Variants in RYR1 observed in about 807,000 individuals in gnomAD.
The protein encoded by RYR1 is central core disease of muscle.
Under a neutral mutation model 583.5 loss-of-function variants are expected in RYR1, and 342 were observed. That is an observed-to-expected ratio of 0.59 (90% CI 0.54 to 0.64). The LOEUF is 0.64. Ranked by LOEUF, RYR1 falls within the 30% of genes least tolerant of loss-of-function variation. The pLI is 0.00. For missense variants in RYR1, 6,032 were observed against 6,917.2 expected (o/e 0.87, Z 4.54); for synonymous variants, 2,791 against 2,822.5 (o/e 0.99, Z 0.35).
chr19:38,433,713 T>G lies in RYR1; in HGVS notation c.-117T>G. ...CTCGCAGTTCCATCTACCTCGCGGG[T>G]GCCTCTGGTGTCTCCAGAGGTCTCC... is the stretch of plus-strand genomic sequence containing the variant. On this transcript the variant is annotated 5_prime_UTR_variant, in exon 1 of 106. Transcript: ENST00000359596. 1.3e-6 allele frequency: 1 copy of G among 781,782 alleles called. No homozygotes were observed. Among genetic ancestry groups the G allele is most frequent in the Non-Finnish European group, 2.2e-6 (1 of 452,784 alleles). 48.4% of individuals were successfully genotyped at this position (781,782 alleles called of 1,614,324 possible).
rs995475848 is a variant in RYR1, at chr19:38,466,145, G to A, written c.2925G>A (p.Arg975=). The A allele has an allele frequency of 1.2e-6, 2 of 1,613,262 alleles. No homozygotes were observed. The highest frequency in any genetic ancestry group is 1.7e-6 in the Non-Finnish European group (2 of 1,179,844). The stretch of plus-strand genomic sequence containing the variant: ...CTCCGCTGGACCTGAGCCACGTGCG[G>A]CTGACGCCGGCGCAGACGACACTGG... ...KPAPLDLSHV[R]LTPAQTTLVD... Residue 975 remains arginine, a synonymous_variant, in exon 24 of 106, where the codon CGG becomes CGA. Coordinates refer to ENST00000359596, the MANE Select transcript of RYR1 (RefSeq NM_000540.3).
In RYR1 at chr19:38,515,013, CT is replaced by C. The variant is rs1568524800; in HGVS notation, c.9473-12del. 3 of 1,608,292 alleles carry C rather than the reference CT, an allele frequency of 1.9e-6. No homozygotes were observed. The highest frequency in any genetic ancestry group is 2.6e-6 in the Non-Finnish European group (3 of 1,176,000). The stretch of plus-strand genomic sequence containing the variant: ...TGAGCGCATGCCGCAGCCTCGCCCC[CT>C]GTCTCCCTCAGTGGACGACGTCCAG... On this transcript the variant is annotated splice_polypyrimidine_tract_variant and intron_variant, in intron 63 of 105. Coordinates refer to ENST00000359596, the MANE Select transcript of RYR1 (RefSeq NM_000540.3).
At chr19:38,572,370 T>C in intron 95 of RYR1, 100 bp downstream of exon 95, 2 of 1,317,036 alleles carry the variant, frequency 1.5e-6, no homozygotes, top group Non-Finnish European at 2.1e-6. Context: ...CTCAAAGTGG[T>C]TGGGACAGAG....
chr19:38,515,934 C>T (rs1970947213), intron 64 of RYR1, among the ~76,000 whole-genome samples, 153 bp from the exon 65 acceptor site: 4 of 152,154 alleles, frequency 2.6e-5, no homozygotes, highest in Non-Finnish European at 4.4e-5. Flanking sequence ...GAGCGAGACC[C>T]TGTCTTAAAA....
intron 24 of RYR1, 35 bp from the exon 25 acceptor site, chr19:38,467,575 C>A: frequency 6.2e-7 from 1 of 1,611,556 alleles, no homozygotes; most frequent in South Asian, 1.1e-5. Context: ...CACATCTTCC[C>A]TAGCCTCTCT....
chr19:38,484,009 A>G (rs1600764515), intron 33 of RYR1, among the ~76,000 whole-genome samples: 1 of 152,084 alleles, frequency 6.6e-6, no homozygotes, highest in Admixed American at 6.5e-5. Context: ...ATGCGTTCAC[A>G]TGGATGGCAG....
In RYR1 at chr19:38,507,680, G is replaced by C. The variant is rs1970536191; in HGVS notation, c.8817-32G>C. On this transcript the variant is annotated intron_variant, in intron 57 of 105. Transcript: ENST00000359596. ...GTGGGAAACTGTAGGGCCGGCGTCT[G>C]GGCTGATCCTTCTCTCCACATCTCC... is the stretch of plus-strand genomic sequence containing the variant. The C allele has an allele frequency of 2.2e-6, 3 of 1,380,214 alleles. No individual in the cohort carries two copies. The East Asian group carries it at 6.9e-5, about 32-fold the overall frequency. 85.5% of individuals were successfully genotyped at this position (1,380,214 alleles called of 1,614,324 possible).
chr19:38,575,430 C>A (rs1358663107), intron 96 of RYR1, among the ~76,000 whole-genome samples: 13 of 152,012 alleles, frequency 8.6e-5, no homozygotes, highest in Admixed American at 8.5e-4. Context: ...GAGGCCAAGG[C>A]GGGAGGGGGG....
At chr19:38,514,330 G>A (rs539293889) in intron 63 of RYR1, among the ~76,000 whole-genome samples, 9 of 150,524 alleles carry the variant, frequency 6.0e-5, no homozygotes, top group African/African-American at 2.2e-4. Flanking sequence ...ACCCAGGCTG[G>A]AGTGCAGTGG....
intron 24 of RYR1, among the ~76,000 whole-genome samples, chr19:38,467,149 A>G (rs1968154999): frequency 6.6e-6 from 1 of 151,974 alleles, no homozygotes. Context: ...CTGGCTTCCA[A>G]TCCCAGCCTT....
chr19:38,542,060 C>A (rs1972217765), intron 84 of RYR1, among the ~76,000 whole-genome samples: 2 of 143,078 alleles, frequency 1.4e-5, no homozygotes, highest in South Asian at 2.3e-4. Flanking sequence ...CAGAGGGAGA[C>A]CTTGTCAAAA....
chr19:38,446,651 C>T (rs368241270), intron 8 of RYR1, 43 bp from the exon 9 acceptor site: 174 of 1,606,374 alleles, frequency 1.1e-4, no homozygotes, highest in Non-Finnish European at 1.4e-4. Context: ...GACCAGATTC[C>T]GGGGAGCTGA....
intron 49 of RYR1, among the ~76,000 whole-genome samples, chr19:38,503,588 C>T (rs1178247617): frequency 6.6e-6 from 1 of 152,070 alleles, no homozygotes; most frequent in African/African-American, 2.4e-5. Context: ...GCCTGGCCAA[C>T]ATGGCGAAAC....
In RYR1 at chr19:38,527,700, G is replaced by A; in HGVS notation, c.10740G>A (p.Pro3580=). The A allele has an allele frequency of 2.5e-6, 4 of 1,614,098 alleles. No homozygotes were observed. Among genetic ancestry groups the A allele is most frequent in the Non-Finnish European group, 3.4e-6 (4 of 1,180,020 alleles). ...AGATGGCTCTGTACCGGGGCGTCCC[G>A]GGTCGCGAGGAGGACGCCGATGACC... is the stretch of plus-strand genomic sequence containing the variant. The part of the protein sequence containing the change: ...RWQMALYRGV[P]GREEDADDPE... Residue 3580 remains proline (P), a synonymous_variant, in exon 73 of 106, where the codon CCG becomes CCA. Coordinates refer to ENST00000359596, the MANE Select transcript of RYR1 (RefSeq NM_000540.3).
Position 38,565,651 on chromosome 19 carries a change from C to A in RYR1, c.13317C>A (p.Ala4439=). The A allele has an allele frequency of 7.2e-7, 1 of 1,388,912 alleles. No homozygotes were observed. Among genetic ancestry groups the A allele is most frequent in the Non-Finnish European group, 9.2e-7 (1 of 1,082,306 alleles). The allele number at this position is 1,388,912 out of a possible 1,614,324, so 86.0% of individuals were successfully genotyped here. Residue 4439 remains alanine (A), a synonymous_variant, in exon 91 of 106, where the codon GCC becomes GCA. Coordinates refer to ENST00000359596, the MANE Select transcript of RYR1 (RefSeq NM_000540.3). This position sits in a 1 kb window ranked among gnomAD's most constrained non-coding sequence, Gnocchi z 4.7. ...AGPGGADGAV[A]VTDGGPFRPE... ...CGGGCGGTGCCGACGGGGCGGTGGCCGTGACCGATGGGGGCCCCTTCCGGC... is the reference window on the plus strand; with the variant it reads ...CGGGCGGTGCCGACGGGGCGGTGGCAGTGACCGATGGGGGCCCCTTCCGGC...
In RYR1 at chr19:38,440,782, T is replaced by A; in HGVS notation, c.83T>A (p.Leu28His). 6.2e-7 allele frequency: 1 copy of A among 1,609,254 alleles called. No homozygotes were observed. The highest frequency in any genetic ancestry group is 8.5e-7 in the Non-Finnish European group (1 of 1,178,858). Residue 28 changes from leucine (L) to histidine (H), a missense_variant, in exon 2 of 106, where the codon CTC becomes CAC. Physicochemically the swap from Leu to His is moderately conservative, Grantham distance 99 (BLOSUM62 -3). Transcript: ENST00000359596. ...GTCCTGCAGTGCAGCGCTACCGTGC[T>A]CAAGGAGCAGCTCAAGCTCTGCCTG... ...EVVLQCSATV[L>H]KEQLKLCLAA...
chr19:38,481,796 A>C (rs139984614), intron 31 of RYR1, among the ~76,000 whole-genome samples: 486 of 152,034 alleles, frequency 3.2e-3, no homozygotes, highest in African/African-American at 0.011. Context: ...TTTTTAAAAA[A>C]GTTAAAATGG....
Position 38,505,832 on chromosome 19 carries a change from C to A in RYR1, c.8427C>A (p.Ile2809=). Residue 2809 remains isoleucine (I), a synonymous_variant, in exon 54 of 106, where the codon ATC becomes ATA. Coordinates refer to ENST00000359596, the MANE Select transcript of RYR1 (RefSeq NM_000540.3). ...EKDKEIYRWP[I]KESLKAMIAW... ...ACAAAGAGATTTACCGCTGGCCCAT[C>A]AAGGAGTCCCTGAAGGCCATGATTG... is the stretch of plus-strand genomic sequence containing the variant. 5 of 1,614,108 alleles carry A rather than the reference C, an allele frequency of 3.1e-6. No homozygotes were observed. Among genetic ancestry groups the A allele is most frequent in the Non-Finnish European group, 4.2e-6 (5 of 1,180,040 alleles).
Position 38,561,105 on chromosome 19 carries a change from G to GC in RYR1, c.12283-3dup. 1.2e-6 allele frequency: 2 copies of GC among 1,606,576 alleles called. No individual in the cohort carries two copies. The highest frequency in any genetic ancestry group is 1.7e-6 in the Non-Finnish European group (2 of 1,175,192). ...GGTCACCCCACTGACCTCCCTGCCCGCCCCCAGGCCATGGACAGCCAGAAG... is the reference window on the plus strand; with the variant it reads ...GGTCACCCCACTGACCTCCCTGCCCGCCCCCCAGGCCATGGACAGCCAGAAG... On this transcript the variant is annotated splice_polypyrimidine_tract_variant and splice_region_variant and intron_variant, in intron 89 of 105. Coordinates refer to ENST00000359596, the MANE Select transcript of RYR1 (RefSeq NM_000540.3). This position sits in a 1 kb window ranked among gnomAD's most constrained non-coding sequence, Gnocchi z 4.8.
Sources: allele counts gnomAD v4.1 joint callset (sites outside exome capture counted in the v4.1 genomes callset), GRCh38; gene constraint gnomAD v4.1.1; non-coding constraint Gnocchi (gnomAD v3.1); transcripts MANE v1.5; gene names NCBI Gene and HGNC (gene_info 2026-07-23, HGNC 2026-07-21).